Variants in MID1 observed in about 807,000 individuals in gnomAD.
The protein encoded by MID1 is E3 ubiquitin-protein ligase Midline-1.
In MID1, 7 loss-of-function variants were observed where a neutral mutation model predicts 40.4. The observed-to-expected ratio is 0.17, with a 90% CI of 0.10 to 0.33. The LOEUF is 0.33. Among genes scored for constraint, MID1 ranks in the 10% least tolerant of loss-of-function variants. The pLI is 1.00. For missense variants in MID1, 367 were observed against 558.5 expected, an observed-to-expected ratio of 0.66 and a Z score of 3.46; for synonymous variants, 229 against 221.2, an observed-to-expected ratio of 1.04 and a Z score of -0.31.
intron 1 of MID1, among the ~76,000 whole-genome samples, chrX:10,682,450 G>A (rs1359599900): frequency 2.7e-5 from 3 of 109,234 alleles, no homozygotes; most frequent in Non-Finnish European, 5.7e-5. Context: ...CTATCTGTAA[G>A]CATTTAATTG....
chrX:10,468,546 T>C (rs1010570624), intron 7 of MID1, among the ~76,000 whole-genome samples: 6 of 112,592 alleles, frequency 5.3e-5, no homozygotes, highest in African/African-American at 6.5e-5. Flanking sequence ...TGACATATTG[T>C]ATTTTTCTTT....
At chrX:10,801,715 T>C (rs1353232874) in intron 1 of MID1, among the ~76,000 whole-genome samples, 1 of 112,022 alleles carries the variant, frequency 8.9e-6, no homozygotes, top group African/African-American at 3.2e-5. Context: ...GGAATAAAGA[T>C]TTAAATGTAA....
chrX:10,676,746 G>A (rs2043025939), intron 1 of MID1, among the ~76,000 whole-genome samples: 1 of 111,462 alleles, frequency 9.0e-6, no homozygotes, highest in African/African-American at 3.3e-5. Flanking sequence ...GGGGAGGGGT[G>A]GAAGGGGGGT....
intron 1 of MID1, among the ~76,000 whole-genome samples, chrX:10,692,287 C>T (rs1472041356): frequency 9.0e-6 from 1 of 111,099 alleles, no homozygotes; most frequent in Non-Finnish European, 1.9e-5. Context: ...GAGATGGCAC[C>T]CCTGGAGGCC....
intron 3 of MID1, among the ~76,000 whole-genome samples, chrX:10,497,067 T>A (rs1451242042): frequency 8.9e-6 from 1 of 112,605 alleles, no homozygotes; most frequent in African/African-American, 3.2e-5. Context: ...ATTGTTATTT[T>A]TATGTCATCA....
In MID1 at chrX:10,685,877, TACACACACACACACAC is replaced by T. The variant is rs56245034; in HGVS notation, c.-186-65474_-186-65459del. 8.7e-5 allele frequency among the ~76,000 whole-genome samples: 7 copies of T among 80,489 alleles called. No homozygotes were observed. The East Asian group carries it at 2.0e-3, about 24-fold the overall frequency. 69.9% of individuals were successfully genotyped at this position (80,489 alleles called of 115,157 possible). A position where few individuals can be genotyped will look rare whatever the true frequency, so the allele number is the denominator to read the frequency against. On this transcript the variant is annotated intron_variant, in intron 1 of 10. Coordinates refer to the MID1 transcript ENST00000380785. ...TCGGCCCCTACACCCCACATACTCATACACACACACACACACACACACACACACACACACACACACA... is the reference window on the plus strand; with the variant it reads ...TCGGCCCCTACACCCCACATACTCATACACACACACACACACACACACACA...
intron 4 of MID1, among the ~76,000 whole-genome samples, chrX:10,492,621 T>A (rs1257156148): frequency 8.9e-6 from 1 of 111,970 alleles, no homozygotes; most frequent in African/African-American, 3.3e-5. Context: ...TGATTTCCAT[T>A]CCCCATCCCA....
At chrX:10,466,642 A>G (rs771438471) in intron 7 of MID1, among the ~76,000 whole-genome samples, 1 of 111,570 alleles carries the variant, frequency 9.0e-6, no homozygotes, top group African/African-American at 3.3e-5. Flanking sequence ...AGACATTGTC[A>G]AATGTCCCTT....
chrX:10,814,910 G>A (rs2044126165), intron 1 of MID1, among the ~76,000 whole-genome samples: 1 of 110,948 alleles, frequency 9.0e-6, no homozygotes. Context: ...AGCATTCCAT[G>A]GTAAAGATTA....
chrX:10,637,852 C>T (rs1366744719), intron 1 of MID1, among the ~76,000 whole-genome samples: 1 of 111,330 alleles, frequency 9.0e-6, no homozygotes, highest in African/African-American at 3.3e-5. Context: ...ACAAATGTGC[C>T]ACCATTAGGT....
At chrX:10,589,863 C>G (rs922531617) in intron 1 of MID1, 1 of 110,054 alleles carries the variant, frequency 9.1e-6, no homozygotes, top group African/African-American at 3.3e-5. Context: ...TGTAGCAAGA[C>G]AAGCCGCAGA....
At chrX:10,754,378 C>T (rs780927617) in intron 1 of MID1, among the ~76,000 whole-genome samples, 4 of 108,761 alleles carry the variant, frequency 3.7e-5, no homozygotes, top group South Asian at 3.9e-4. Context: ...AGAGATAAAA[C>T]GTACAGAATA....
chrX:10,555,403 G>T (rs773924644), intron 2 of MID1, among the ~76,000 whole-genome samples: 1 of 111,640 alleles, frequency 9.0e-6, no homozygotes, highest in South Asian at 3.7e-4. Context: ...GAAGTCAGTG[G>T]TTTTTTATTA....
At chrX:10,699,216 T>G (rs1235853277) in intron 1 of MID1, among the ~76,000 whole-genome samples, 1 of 112,010 alleles carries the variant, frequency 8.9e-6, no homozygotes, top group Non-Finnish European at 1.9e-5. Flanking sequence ...AAATGATTTT[T>G]TTCCTTCTCA....
At chrX:10,750,330 C>A (rs2043588942) in intron 1 of MID1, among the ~76,000 whole-genome samples, 1 of 111,284 alleles carries the variant, frequency 9.0e-6, no homozygotes, top group Admixed American at 9.6e-5. Flanking sequence ...TTCTAAGCCA[C>A]CATTATGAAT....
intron 1 of MID1, among the ~76,000 whole-genome samples, chrX:10,821,281 G>C (rs1305467216): frequency 8.9e-6 from 1 of 112,028 alleles, no homozygotes; most frequent in Non-Finnish European, 1.9e-5. Context: ...TTTTAAGGTA[G>C]GGAGAGCCAA....
intron 1 of MID1, among the ~76,000 whole-genome samples, chrX:10,633,527 A>G (rs1302486897): frequency 2.7e-5 from 3 of 110,633 alleles, no homozygotes. Context: ...GGCTCACTGC[A>G]GCCTCAATCA....
At chrX:10,639,335 G>A (rs943288124) in intron 1 of MID1, among the ~76,000 whole-genome samples, 2 of 111,975 alleles carry the variant, frequency 1.8e-5, no homozygotes, top group African/African-American at 6.5e-5. Flanking sequence ...TGACTGAGCT[G>A]AAAACCATGG....
At chrX:10,675,038 T>C (rs1940025396) in intron 1 of MID1, among the ~76,000 whole-genome samples, 1 of 112,455 alleles carries the variant, frequency 8.9e-6, no homozygotes, top group South Asian at 3.7e-4. Context: ...AACCTGGTTG[T>C]TATTAATGAA....
Sources: gnomAD v4.1 joint callset for allele counts (sites outside exome capture counted in the v4.1 genomes callset) on GRCh38, gnomAD v4.1.1 for gene constraint, MANE v1.5 for transcripts, NCBI Gene and HGNC (gene_info 2026-07-23, HGNC 2026-07-21) for gene names.